Variants in SPACA7 observed in about 807,000 individuals in gnomAD.
SPACA7 encodes sperm acrosome-associated protein 7.
SPACA7 carries 19 observed loss-of-function variants against 26.3 expected under a neutral mutation model. That is an observed-to-expected ratio of 0.72 (90% CI 0.50 to 1.06). SPACA7 has a LOEUF of 1.06. SPACA7 is among the 50% of genes least tolerant of loss of function. The pLI is 0.00. For synonymous variants in SPACA7, 84 were observed against 84.5 expected (o/e 0.99, Z 0.04); for missense variants, 211 against 229.9 (o/e 0.92, Z 0.53).
At chr13:112,416,347 C>T (rs1009433765) in intron 5 of SPACA7, among the ~76,000 whole-genome samples, 1 of 151,918 alleles carries the variant, frequency 6.6e-6, no homozygotes, top group Non-Finnish European at 1.5e-5. Flanking sequence ...AGTGCAGTGG[C>T]ATGATCTCAG....
chr13:112,379,857 T>A (rs1883931467), intron 1 of SPACA7, among the ~76,000 whole-genome samples: 1 of 152,184 alleles, frequency 6.6e-6, no homozygotes, highest in South Asian at 2.1e-4. Context: ...TTTGGTTAAA[T>A]AGGATCATAA....
At chr13:112,430,137 CA>C (rs1199217609) in intron 5 of SPACA7, among the ~76,000 whole-genome samples, 1 of 150,902 alleles carries the variant, frequency 6.6e-6, no homozygotes, top group Non-Finnish European at 1.5e-5. Flanking sequence ...GGCCAGTAAT[CA>C]GCTGAAGGCT....
chr13:112,422,365 T>C lies in SPACA7; in HGVS notation c.446-10079T>C, dbSNP rs148566806. Among the ~76,000 whole-genome samples, 537 of 152,306 alleles carry C rather than the reference T, an allele frequency of 3.5e-3. 2 individuals are homozygous for C. Among genetic ancestry groups the C allele is most frequent in the African/African-American group, 0.012 (512 of 41,572 alleles). On this transcript the variant is annotated intron_variant, in intron 5 of 6. Coordinates refer to ENST00000283550, the MANE Select transcript of SPACA7 (RefSeq NM_145248.5). ...GTTACATTTGGAAACTTTAGCACTC[T>C]TTTTCAGTAATTGATAAAAGAAATA... is the stretch of plus-strand genomic sequence containing the variant.
intron 5 of SPACA7, among the ~76,000 whole-genome samples, chr13:112,425,011 T>C (rs930470787): frequency 6.6e-6 from 1 of 152,246 alleles, no homozygotes; most frequent in Non-Finnish European, 1.5e-5. Context: ...TGACCCTTAT[T>C]TGAGCAGAGG....
chr13:112,392,570 A>T (rs1023838533), intron 1 of SPACA7, among the ~76,000 whole-genome samples: 11 of 152,210 alleles, frequency 7.2e-5, no homozygotes, highest in Non-Finnish European at 2.9e-5. Flanking sequence ...ACATGTTTCT[A>T]AGCCTCCAGG....
chr13:112,400,919 A>G, intron 4 of SPACA7, 150 bp from the exon 5 acceptor site: 1 of 640,266 alleles, frequency 1.6e-6, no homozygotes, highest in Non-Finnish European at 2.7e-6. Flanking sequence ...CTGTATTCAC[A>G]TATTGAGTTT....
At chr13:112,384,041 G>A (rs1404703193) in intron 1 of SPACA7, among the ~76,000 whole-genome samples, 2 of 152,130 alleles carry the variant, frequency 1.3e-5, no homozygotes, top group Non-Finnish European at 2.9e-5. Context: ...AAAGAAATAA[G>A]TTATCTTGAC....
intron 5 of SPACA7, among the ~76,000 whole-genome samples, chr13:112,402,589 G>A (rs997278334): frequency 2.6e-5 from 4 of 152,148 alleles, no homozygotes; most frequent in Non-Finnish European, 5.9e-5. Context: ...GAGTGAGTGG[G>A]CATTCTTGCC....
chr13:112,402,953 GGTTT>G (rs1346636983), intron 5 of SPACA7, among the ~76,000 whole-genome samples: 1 of 151,008 alleles, frequency 6.6e-6, no homozygotes, highest in Non-Finnish European at 1.5e-5. Flanking sequence ...CTATGGTTGG[GGTTT>G]TTTTTAAACC....
chr13:112,382,554 G>T, intron 1 of SPACA7: 1 of 1,538,428 alleles, frequency 6.5e-7, no homozygotes, highest in South Asian at 1.2e-5. Context: ...GACACATGCA[G>T]GCCTGGCTGG....
chr13:112,406,876 A>G (rs1199820338), intron 5 of SPACA7, among the ~76,000 whole-genome samples: 1 of 152,204 alleles, frequency 6.6e-6, no homozygotes, highest in Non-Finnish European at 1.5e-5. Flanking sequence ...CCTAATAGAC[A>G]TCTACAGAAC....
intron 3 of SPACA7, 147 bp from the exon 4 acceptor site, chr13:112,398,919 A>C (rs1437443032): frequency 1.6e-6 from 1 of 631,770 alleles, no homozygotes; most frequent in African/African-American, 1.9e-5. Context: ...TTACACCTTC[A>C]CTTACCAACG....
chr13:112,376,812 A>C (rs576928758), intron 1 of SPACA7, among the ~76,000 whole-genome samples: 5 of 152,148 alleles, frequency 3.3e-5, no homozygotes, highest in Admixed American at 6.5e-5. Flanking sequence ...CACACTCCAC[A>C]CCACATACAC....
chr13:112,380,758 C>T (rs1452483465), intron 1 of SPACA7, among the ~76,000 whole-genome samples: 3 of 152,170 alleles, frequency 2.0e-5, no homozygotes, highest in African/African-American at 7.2e-5. Flanking sequence ...TTATCAAAAA[C>T]AGATCTTACT....
At chr13:112,415,047 T>G (rs1886600008) in intron 5 of SPACA7, among the ~76,000 whole-genome samples, 1 of 152,214 alleles carries the variant, frequency 6.6e-6, no homozygotes, top group Admixed American at 6.5e-5. Context: ...GCATCCTAAG[T>G]CCAGTTACAC....
chr13:112,416,525 G>GATCCAC (rs1247736971), intron 5 of SPACA7, among the ~76,000 whole-genome samples: 1 of 152,116 alleles, frequency 6.6e-6, no homozygotes, highest in African/African-American at 2.4e-5. Context: ...GACATCAAGG[G>GATCCAC]ATCCACCCAC....
chr13:112,420,906 A>G (rs1478585569), intron 5 of SPACA7, among the ~76,000 whole-genome samples: 1 of 152,230 alleles, frequency 6.6e-6, no homozygotes, highest in Non-Finnish European at 1.5e-5. Flanking sequence ...TATATAATCT[A>G]GAGGACAGTG....
chr13:112,422,701 G>T (rs750663825), intron 5 of SPACA7, among the ~76,000 whole-genome samples: 1 of 152,172 alleles, frequency 6.6e-6, no homozygotes, highest in Non-Finnish European at 1.5e-5. Flanking sequence ...AACCCAATGC[G>T]CAAAGAAGTC....
intron 5 of SPACA7, among the ~76,000 whole-genome samples, chr13:112,412,516 A>G (rs1442583279): frequency 6.6e-6 from 1 of 152,048 alleles, no homozygotes; most frequent in African/African-American, 2.4e-5. Context: ...GTCTTACTCA[A>G]AAAATATTTG....
Sources: gnomAD v4.1 joint callset for allele counts (sites outside exome capture counted in the v4.1 genomes callset) on GRCh38, gnomAD v4.1.1 for gene constraint, MANE v1.5 for transcripts, NCBI Gene and HGNC (gene_info 2026-07-23, HGNC 2026-07-21) for gene names.